Variants in IL19 observed in about 807,000 individuals in gnomAD.
The protein encoded by IL19 is interleukin-19.
In IL19, 15 loss-of-function variants were observed where a neutral mutation model predicts 19.5. The observed-to-expected ratio is 0.77, with a 90% CI of 0.52 to 1.19. IL19 has a LOEUF of 1.19. Ranked by LOEUF, IL19 falls within the 50% of genes most tolerant of loss-of-function variation. The pLI, the probability that IL19 is intolerant of heterozygous loss-of-function variation, is 0.00. For synonymous variants in IL19, 78 were observed against 78.3 expected (o/e 1.00, Z 0.02); for missense variants, 199 against 213.1 (o/e 0.93, Z 0.41).
chr1:206,770,852 T>C lies in IL19; in HGVS notation c.-375T>C, dbSNP rs998902524. On this transcript the variant is annotated 5_prime_UTR_variant, in exon 1 of 7. Coordinates refer to ENST00000659997, the MANE Select transcript of IL19 (RefSeq NM_153758.5). ...GGATGTGAGTGTCCCTGCTGGTCTG[T>C]AGGAGATGGTATTTTGGGGGCAGCT... is the stretch of plus-strand genomic sequence containing the variant. The C allele has an allele frequency of 6.5e-7, 1 of 1,540,550 alleles. No homozygotes were observed. Among genetic ancestry groups the C allele is most frequent in the Non-Finnish European group, 9.0e-7 (1 of 1,112,156 alleles).
intron 2 of IL19, among the ~76,000 whole-genome samples, chr1:206,804,458 G>T (rs1460387699): frequency 1.3e-5 from 2 of 152,166 alleles, no homozygotes; most frequent in Non-Finnish European, 2.9e-5. Flanking sequence ...TGAGTGCACT[G>T]AAATAATTTA....
chr1:206,820,516 T>C (rs1036292981), intron 2 of IL19, among the ~76,000 whole-genome samples: 6 of 152,230 alleles, frequency 3.9e-5, no homozygotes, highest in African/African-American at 1.4e-4. Flanking sequence ...TTGGCACCAG[T>C]GTTGATGCTT....
intron 2 of IL19, among the ~76,000 whole-genome samples, chr1:206,808,641 G>A (rs1333963757): frequency 6.6e-6 from 1 of 152,032 alleles, no homozygotes; most frequent in African/African-American, 2.4e-5. Flanking sequence ...AGACTTCCAG[G>A]TACAAGAAAA....
At chr1:206,813,060 T>C (rs1676056131) in intron 2 of IL19, among the ~76,000 whole-genome samples, 1 of 152,208 alleles carries the variant, frequency 6.6e-6, no homozygotes, top group Non-Finnish European at 1.5e-5. Flanking sequence ...GTTTTGTGGT[T>C]GTATAAAAGT....
At chr1:206,787,910 A>T (rs1215627773) in intron 1 of IL19, among the ~76,000 whole-genome samples, 1 of 152,100 alleles carries the variant, frequency 6.6e-6, no homozygotes, top group East Asian at 1.9e-4. Flanking sequence ...CCACTGCACC[A>T]TGTGGTGCAG....
intron 2 of IL19, among the ~76,000 whole-genome samples, chr1:206,820,818 C>A (rs548700800): frequency 6.6e-5 from 10 of 152,330 alleles, no homozygotes; most frequent in African/African-American, 1.9e-4. Flanking sequence ...CTCCCCACCC[C>A]GCTTTCAAAC....
chr1:206,812,334 T>TC (rs1249063205), intron 2 of IL19, among the ~76,000 whole-genome samples: 2 of 152,190 alleles, frequency 1.3e-5, no homozygotes, highest in Non-Finnish European at 2.9e-5. Context: ...GAGTCTTGGT[T>TC]CCTAAGGAAC....
intron 2 of IL19, among the ~76,000 whole-genome samples, chr1:206,815,360 G>C (rs1035218370): frequency 2.0e-5 from 3 of 152,180 alleles, no homozygotes. Context: ...TGGGAAGAAT[G>C]TCAAATAATT....
intron 1 of IL19, among the ~76,000 whole-genome samples, chr1:206,790,995 G>T (rs1449135910): frequency 6.6e-6 from 1 of 152,130 alleles, no homozygotes; most frequent in African/African-American, 2.4e-5. Flanking sequence ...CTGTTGTGTG[G>T]TGCCTGTGTG....
intron 2 of IL19, chr1:206,833,792 T>G: frequency 1.0e-6 from 1 of 985,576 alleles, no homozygotes; most frequent in Non-Finnish European, 1.2e-6. Context: ...ATAGATGATG[T>G]GCAAAGAAAT....
intron 1 of IL19, among the ~76,000 whole-genome samples, chr1:206,786,264 T>A (rs1675268115): frequency 6.6e-6 from 1 of 152,366 alleles, no homozygotes; most frequent in East Asian, 1.9e-4. Flanking sequence ...TGACAAGCCA[T>A]TGCTTACTCT....
chr1:206,824,975 C>T (rs563593841), intron 2 of IL19, among the ~76,000 whole-genome samples: 178 of 152,244 alleles, frequency 1.2e-3, no homozygotes, highest in African/African-American at 3.8e-3. Context: ...AGGCTGTTCT[C>T]GAACTCCTGA....
At chr1:206,812,639 C>A (rs1676043060) in intron 2 of IL19, among the ~76,000 whole-genome samples, 1 of 152,152 alleles carries the variant, frequency 6.6e-6, no homozygotes, top group Admixed American at 6.5e-5. Context: ...AAGGCATAAC[C>A]ACTGATGATT....
intron 1 of IL19, among the ~76,000 whole-genome samples, chr1:206,780,875 T>G (rs544165816): frequency 9.2e-5 from 14 of 152,304 alleles, no homozygotes; most frequent in African/African-American, 2.9e-4. Flanking sequence ...TGGTAAGAAG[T>G]TGAAAGTCTG....
intron 2 of IL19, among the ~76,000 whole-genome samples, chr1:206,822,735 G>T (rs1676317944): frequency 6.6e-6 from 1 of 152,164 alleles, no homozygotes; most frequent in South Asian, 2.1e-4. Flanking sequence ...TGTGAGGTCT[G>T]TGGGGCCGGG....
chr1:206,817,761 C>CTT (rs373441723), intron 2 of IL19, among the ~76,000 whole-genome samples: 2 of 139,794 alleles, frequency 1.4e-5, no homozygotes, highest in Admixed American at 1.4e-4. Flanking sequence ...TAGAAGATTT[C>CTT]TTTTTTTTTT....
Position 206,798,846 on chromosome 1 carries a change from T to G in IL19, c.-148-15T>G. ...ACCTTTTTGTAATGATGACTCTCTA[T>G]GATTTTCTCCATAGAGCGGTGCTTG... On this transcript the variant is annotated splice_polypyrimidine_tract_variant and intron_variant, in intron 1 of 6. Coordinates refer to ENST00000659997, the MANE Select transcript of IL19 (RefSeq NM_153758.5). 3.6e-6 allele frequency: 5 copies of G among 1,385,778 alleles called. No homozygotes were observed. The highest frequency in any genetic ancestry group is 5.1e-6 in the Non-Finnish European group (5 of 984,918). The allele number at this position is 1,385,778 out of a possible 1,614,324, so 85.8% of individuals were successfully genotyped here.
chr1:206,837,436 G>A (rs113634277), intron 4 of IL19, among the ~76,000 whole-genome samples: 32 of 152,282 alleles, frequency 2.1e-4, no homozygotes, highest in African/African-American at 7.7e-4. Flanking sequence ...GTCGGACATA[G>A]AGGTGACCAG....
intron 1 of IL19, among the ~76,000 whole-genome samples, chr1:206,781,414 CAA>C (rs57060549): frequency 0.08 from 3,412 of 42,422 alleles, 9 homozygotes; most frequent in Non-Finnish European, 0.097. Flanking sequence ...GACTCTGTCT[CAA>C]AAAAAAAAAA....
Sources: gnomAD v4.1 joint callset for allele counts (sites outside exome capture counted in the v4.1 genomes callset) on GRCh38, gnomAD v4.1.1 for gene constraint, MANE v1.5 for transcripts, NCBI Gene and HGNC (gene_info 2026-07-23, HGNC 2026-07-21) for gene names.